COL11A1: variants seen among roughly 807,000 people sequenced by gnomAD.
COL11A1 encodes the protein collagen type XI alpha 1 chain.
Under a neutral mutation model 265.2 loss-of-function variants are expected in COL11A1, and 74 were observed. The observed-to-expected ratio is 0.28, with a 90% CI of 0.23 to 0.34. The LOEUF (loss-of-function observed/expected upper bound fraction) is 0.34, where lower values mean the gene tolerates loss of function less well. Ranked by LOEUF, COL11A1 falls within the 10% of genes least tolerant of loss-of-function variation. The pLI is 1.00. For missense variants in COL11A1, 2,165 were observed against 2,263.6 expected, an observed-to-expected ratio of 0.96 and a Z score of 0.88; for synonymous variants, 816 against 727.6, an observed-to-expected ratio of 1.12 and a Z score of -1.96.
chr1:103,073,752 T>C (rs1370883705), intron 4 of COL11A1, among the ~76,000 whole-genome samples: 5 of 151,988 alleles, frequency 3.3e-5, no homozygotes, highest in Non-Finnish European at 5.9e-5. Context: ...TGAATGAACA[T>C]TGTTCTGTTT....
At chr1:103,016,210 C>T (rs1666557977) in intron 11 of COL11A1, among the ~76,000 whole-genome samples, 1 of 151,850 alleles carries the variant, frequency 6.6e-6, no homozygotes. Context: ...TAACTACATA[C>T]TATATTTTAA....
At chr1:102,888,539 A>C (rs2100850857) in intron 62 of COL11A1, 38 bp downstream of exon 62, 2 of 1,587,682 alleles carry the variant, frequency 1.3e-6, no homozygotes, top group East Asian at 4.5e-5. Flanking sequence ...TTCCAGATGC[A>C]AACTGTCAGA....
chr1:103,067,853 C>G (rs1671271575), intron 4 of COL11A1, among the ~76,000 whole-genome samples: 1 of 151,290 alleles, frequency 6.6e-6, no homozygotes, highest in Non-Finnish European at 1.5e-5. Context: ...CTTAGTTGAA[C>G]TAGAAAAATT....
At chr1:103,012,679 CAT>C (rs917471341) in intron 13 of COL11A1, among the ~76,000 whole-genome samples, 8 of 152,060 alleles carry the variant, frequency 5.3e-5, no homozygotes, top group African/African-American at 1.9e-4. Context: ...AACTTTTTAA[CAT>C]ATAAAATCTT....
At chr1:103,081,213 C>T (rs984645761) in intron 2 of COL11A1, among the ~76,000 whole-genome samples, 1 of 151,770 alleles carries the variant, frequency 6.6e-6, no homozygotes. Context: ...GTAACTACCA[C>T]ATTGGAATGC....
At chr1:102,994,579 A>C (rs184012978) in intron 28 of COL11A1, among the ~76,000 whole-genome samples, 4 of 152,178 alleles carry the variant, frequency 2.6e-5, no homozygotes, top group Non-Finnish European at 4.4e-5. Flanking sequence ...TAAATTACCC[A>C]GTCTCAGGTA....
chr1:103,037,168 T>C (rs1266096207), intron 4 of COL11A1, among the ~76,000 whole-genome samples: 1 of 150,364 alleles, frequency 6.7e-6, no homozygotes, highest in Non-Finnish European at 1.5e-5. Context: ...AAAGTCTATA[T>C]AAGGCATAGC....
intron 5 of COL11A1, among the ~76,000 whole-genome samples, 167 bp from the exon 6 acceptor site, chr1:103,026,499 C>T (rs1667530851): frequency 6.6e-6 from 1 of 151,974 alleles, no homozygotes; most frequent in Non-Finnish European, 1.5e-5. Flanking sequence ...CTGTCTTATA[C>T]AGAGTATAAT....
chr1:103,085,089 A>C (rs1158370440), intron 1 of COL11A1, among the ~76,000 whole-genome samples: 1 of 152,218 alleles, frequency 6.6e-6, no homozygotes, highest in Non-Finnish European at 1.5e-5. Context: ...AAAAGTGAAA[A>C]TTGTAAGGAG....
rs1231657804 is a variant in COL11A1, at chr1:102,877,867, C to A, written c.*152G>T. ...CAAAGCTTTTGCCATGTGATTCTGC[C>A]CCCACAAAGGCATCGGTATTTCCTA... is the stretch of plus-strand genomic sequence containing the variant. On this transcript the variant is annotated 3_prime_UTR_variant, in exon 67 of 67. Coordinates refer to ENST00000370096, the MANE Select transcript of COL11A1 (RefSeq NM_001854.4). The A allele has an allele frequency of 2.8e-6, 2 of 703,372 alleles. No homozygotes were observed. The highest frequency in any genetic ancestry group is 4.9e-6 in the Non-Finnish European group (2 of 406,070). 43.6% of individuals were successfully genotyped at this position (703,372 alleles called of 1,614,324 possible).
intron 5 of COL11A1, among the ~76,000 whole-genome samples, chr1:103,027,921 C>A (rs948253247): frequency 2.0e-5 from 3 of 152,110 alleles, no homozygotes; most frequent in Admixed American, 2.0e-4. Flanking sequence ...TTTAAACTCT[C>A]CAAATGTTGA....
At chr1:102,909,729 T>C (rs2101001247) in intron 54 of COL11A1, among the ~76,000 whole-genome samples, 1 of 152,122 alleles carries the variant, frequency 6.6e-6, no homozygotes, top group Admixed American at 6.5e-5. Flanking sequence ...ACTACTTCGG[T>C]GTTGTAGAGC....
chr1:102,906,272 G>A lies in COL11A1; in HGVS notation c.4086+5887C>T, dbSNP rs186966767. Among the ~76,000 whole-genome samples the A allele has an allele frequency of 2.7e-3, 411 of 152,236 alleles. 2 individuals are homozygous for A. Among genetic ancestry groups the A allele is most frequent in the South Asian group, 7.5e-3 (36 of 4,822 alleles). On this transcript the variant is annotated intron_variant, in intron 54 of 66. Transcript: ENST00000370096. ...CCAAGTCACATTTTTAAGTAGCAAG[G>A]ATTTGAAACAAGTTCTGTCTGATTC...
chr1:102,943,475 ACACACAC>A (rs1553211758), intron 42 of COL11A1, among the ~76,000 whole-genome samples: 95 of 99,022 alleles, frequency 9.6e-4, no homozygotes, highest in African/African-American at 2.2e-3. Flanking sequence ...ACACACACAC[ACACACAC>A]ACAAACAACC....
chr1:103,049,007 C>G (rs575759277), intron 4 of COL11A1, among the ~76,000 whole-genome samples: 2 of 152,096 alleles, frequency 1.3e-5, no homozygotes, highest in Non-Finnish European at 2.9e-5. Flanking sequence ...CTGAGGAGTG[C>G]TTTACTTCCA....
chr1:103,051,065 G>A (rs1290028418), intron 4 of COL11A1, among the ~76,000 whole-genome samples: 3 of 152,230 alleles, frequency 2.0e-5, no homozygotes, highest in Admixed American at 6.5e-5. Flanking sequence ...CACTTGAGGA[G>A]GCAGTCTGCC....
At chr1:102,906,211 A>T (rs74740817) in intron 54 of COL11A1, among the ~76,000 whole-genome samples, 191 of 152,202 alleles carry the variant, frequency 1.3e-3, no homozygotes, top group African/African-American at 4.2e-3. Context: ...CTGCTTTTTA[A>T]ATGAGAAAAC....
intron 4 of COL11A1, among the ~76,000 whole-genome samples, chr1:103,059,601 G>C (rs1256932373): frequency 6.6e-6 from 1 of 152,090 alleles, no homozygotes; most frequent in African/African-American, 2.4e-5. Context: ...TGATTCCCGT[G>C]CTAAGAACTT....
intron 43 of COL11A1, 107 bp downstream of exon 43, chr1:102,940,220 G>A: frequency 1.1e-6 from 1 of 892,662 alleles, no homozygotes; most frequent in Admixed American, 1.9e-5. Flanking sequence ...TTTGAAAAAG[G>A]TAACCTTTCA....
Sources: allele counts gnomAD v4.1 joint callset (sites outside exome capture counted in the v4.1 genomes callset), GRCh38; gene constraint gnomAD v4.1.1; transcripts MANE v1.5; gene names NCBI Gene and HGNC (gene_info 2026-07-23, HGNC 2026-07-21).